ADCY1: variants seen among roughly 807,000 people sequenced by gnomAD.
ADCY1 encodes the protein adenylate cyclase type 1.
ADCY1 carries 28 observed loss-of-function variants against 105.4 expected under a neutral mutation model. The observed-to-expected ratio is 0.27, with a 90% CI of 0.20 to 0.36. The LOEUF is 0.36. Among genes scored for constraint, ADCY1 ranks in the 10% least tolerant of loss-of-function variants. The probability of loss-of-function intolerance (pLI) is 1.00; values close to 1 mark genes in which losing one functional copy is unlikely to be tolerated. For synonymous variants in ADCY1, 655 were observed against 623.8 expected, an observed-to-expected ratio of 1.05 and a Z score of -0.75; for missense variants, 977 against 1,434.2, an observed-to-expected ratio of 0.68 and a Z score of 5.15.
chr7:45,623,543 G>A (rs566929417), intron 4 of ADCY1, among the ~76,000 whole-genome samples: 3 of 152,340 alleles, frequency 2.0e-5, no homozygotes, highest in Admixed American at 6.5e-5. Flanking sequence ...AACAGACGTT[G>A]CAGGCCCAGA....
chr7:45,673,596 GCCT>G (rs1784401302), intron 8 of ADCY1, among the ~76,000 whole-genome samples: 2 of 151,776 alleles, frequency 1.3e-5, no homozygotes, highest in Non-Finnish European at 2.9e-5. Flanking sequence ...ACCTTTTGAT[GCCT>G]GCAGAGTATG....
intron 1 of ADCY1, among the ~76,000 whole-genome samples, chr7:45,589,326 C>T (rs745964595): frequency 1.3e-5 from 2 of 152,030 alleles, no homozygotes; most frequent in Non-Finnish European, 1.5e-5. Flanking sequence ...GCAGATGGCC[C>T]GGGCCGGGCC....
intron 4 of ADCY1, among the ~76,000 whole-genome samples, chr7:45,637,889 T>C (rs1006562098): frequency 1.3e-5 from 2 of 152,366 alleles, no homozygotes; most frequent in African/African-American, 4.8e-5. Context: ...TTTGCTTTGT[T>C]TTCTTCAGAA....
intron 4 of ADCY1, among the ~76,000 whole-genome samples, chr7:45,643,266 T>C (rs182284078): frequency 6.9e-4 from 88 of 127,930 alleles, no homozygotes; most frequent in African/African-American, 2.3e-3. Context: ...GGCATTGAGA[T>C]AGGATTTTTT....
chr7:45,607,961 A>G (rs1295199925), intron 2 of ADCY1, among the ~76,000 whole-genome samples: 1 of 152,228 alleles, frequency 6.6e-6, no homozygotes, highest in African/African-American at 2.4e-5. Context: ...GTACCCAGTA[A>G]TGGGATTGCG....
chr7:45,586,620 T>G (rs958659182), intron 1 of ADCY1, among the ~76,000 whole-genome samples: 1 of 152,200 alleles, frequency 6.6e-6, no homozygotes, highest in Admixed American at 6.5e-5. Flanking sequence ...AACCCACTTG[T>G]GTGAGACACT....
chr7:45,716,789 T>TC lies in ADCY1; in HGVS notation c.*2794_*2795insC, dbSNP rs898201120. 1 of 152,286 alleles carries TC rather than the reference T, an allele frequency of 6.6e-6. No homozygotes were observed. Among genetic ancestry groups the TC allele is most frequent in the Non-Finnish European group, 1.5e-5 (1 of 68,098 alleles). The allele number at this position is 152,286 out of a possible 1,614,324, so 9.4% of individuals were successfully genotyped here. ...CTAAGGATGGGAGGGGAACTTGGTT[T>TC]ATCTGGGTGGGCTCAGTGACCCCTT... On this transcript the variant is annotated 3_prime_UTR_variant, in exon 20 of 20. Transcript: ENST00000297323.
chr7:45,610,776 G>GGGTGGA (rs1793530102), intron 3 of ADCY1, among the ~76,000 whole-genome samples: 1 of 146,652 alleles, frequency 6.8e-6, no homozygotes, highest in Non-Finnish European at 1.5e-5. Context: ...GATAGTGGAG[G>GGGTGGA]TGTGGGGGTG....
rs1358513668 is a variant in ADCY1, at chr7:45,648,699, C to T, written c.1050C>T (p.Leu350=). Residue 350 remains leucine (L), a synonymous_variant, in exon 5 of 20, where the codon CTC becomes CTT. Coordinates refer to ENST00000297323, the MANE Select transcript of ADCY1 (RefSeq NM_021116.4). Reference sequence around the variant, plus strand: ...ACCACTGTCGCCGCATCAAGATTCTCGGGGACTGCTACTACTGCGTGTCGG... The same window carrying T: ...ACCACTGTCGCCGCATCAAGATTCTTGGGGACTGCTACTACTGCGTGTCGG... The part of the protein sequence containing the change: ...TENHCRRIKI[L]GDCYYCVSGL... 4.3e-6 allele frequency: 7 copies of T among 1,614,026 alleles called. No individual in the cohort carries two copies. Among genetic ancestry groups the T allele is most frequent in the African/African-American group, 4.0e-5 (3 of 74,916 alleles).
intron 4 of ADCY1, among the ~76,000 whole-genome samples, chr7:45,626,562 C>G (rs1350831354): frequency 1.3e-5 from 2 of 152,162 alleles, no homozygotes; most frequent in Admixed American, 1.3e-4. Flanking sequence ...GCTGAGAGCT[C>G]CACGTGCCCA....
intron 14 of ADCY1, among the ~76,000 whole-genome samples, chr7:45,696,947 TTATTC>T (rs1159660039): frequency 1.3e-5 from 2 of 152,136 alleles, no homozygotes; most frequent in Non-Finnish European, 2.9e-5. Flanking sequence ...AAGGAGTAAT[TTATTC>T]TAATTAAGGG....
At chr7:45,666,900 G>T (rs1784272588) in intron 8 of ADCY1, among the ~76,000 whole-genome samples, 1 of 152,158 alleles carries the variant, frequency 6.6e-6, no homozygotes, top group Admixed American at 6.5e-5. Flanking sequence ...ATTTTTTCAT[G>T]TGTTTTTTGG....
At chr7:45,608,165 A>T (rs2115850479) in intron 2 of ADCY1, among the ~76,000 whole-genome samples, 1 of 152,218 alleles carries the variant, frequency 6.6e-6, no homozygotes, top group Non-Finnish European at 1.5e-5. Flanking sequence ...ATGGTATCTC[A>T]TGGTGGTTTT....
intron 8 of ADCY1, chr7:45,664,345 C>T: frequency 6.5e-7 from 1 of 1,536,138 alleles, no homozygotes; most frequent in Non-Finnish European, 8.7e-7. Flanking sequence ...TTTGGTCTCC[C>T]ACCCTGCAAC....
intron 3 of ADCY1, among the ~76,000 whole-genome samples, chr7:45,618,233 A>G (rs1793792384): frequency 6.6e-6 from 1 of 152,202 alleles, no homozygotes; most frequent in Non-Finnish European, 1.5e-5. Flanking sequence ...TAAACTCAAA[A>G]TGGATCAGAC....
chr7:45,619,353 A>G (rs1793828274), intron 3 of ADCY1, among the ~76,000 whole-genome samples: 1 of 152,182 alleles, frequency 6.6e-6, no homozygotes, highest in Non-Finnish European at 1.5e-5. Flanking sequence ...AGTACGTAGA[A>G]GAGACGATAT....
chr7:45,662,155 A>C lies in ADCY1; in HGVS notation c.1546A>C (p.Lys516Gln). 1 of 1,614,072 alleles carries C rather than the reference A, an allele frequency of 6.2e-7. No homozygotes were observed. The highest frequency in any genetic ancestry group is 8.5e-7 in the Non-Finnish European group (1 of 1,179,996). The change falls in exon 8 of 20, where the codon AAA becomes CAA. Residue 516 changes from lysine to glutamine, a missense_variant. By Grantham distance (53) the Lys-to-Gln change is moderately conservative (BLOSUM62 1). This residue lies in a region of ADCY1 where 66 missense variants were observed against 127.2 expected (regional missense o/e 0.52). Coordinates refer to ENST00000297323, the MANE Select transcript of ADCY1 (RefSeq NM_021116.4). ...GCTGGTGCAGCTCATGCACTGCCGG[A>C]AAATGTTCAAGGCCGAGATCCCCTT... ...YLLVQLMHCRKMFKAEIPFSN... is the reference protein window; with the variant it reads ...YLLVQLMHCRQMFKAEIPFSN...
intron 4 of ADCY1, among the ~76,000 whole-genome samples, chr7:45,626,273 C>T (rs1209402067): frequency 6.6e-6 from 1 of 152,220 alleles, no homozygotes. Flanking sequence ...GTGCCAGCCT[C>T]TGCTCTAAAC....
At chr7:45,705,291 A>T (rs376982434) in intron 17 of ADCY1, among the ~76,000 whole-genome samples, 1 of 152,302 alleles carries the variant, frequency 6.6e-6, no homozygotes, top group East Asian at 1.9e-4. Flanking sequence ...ACAGACCAAT[A>T]TTTCTCATTA....
Sources: gnomAD v4.1 joint callset for allele counts (sites outside exome capture counted in the v4.1 genomes callset) on GRCh38, gnomAD v4.1.1 for gene constraint, gnomAD v4.1.1 regional missense constraint, MANE v1.5 for transcripts, NCBI Gene and HGNC (gene_info 2026-07-23, HGNC 2026-07-21) for gene names.